FSTL4: variants seen among roughly 807,000 people sequenced by gnomAD.
FSTL4 encodes follistatin like 4, also known as follistatin-related protein 4.
FSTL4 carries 28 observed loss-of-function variants against 78.2 expected under a neutral mutation model. The observed-to-expected ratio is 0.36, with a 90% CI of 0.27 to 0.49. FSTL4 has a LOEUF of 0.49. FSTL4 is among the 20% of genes least tolerant of loss of function. The pLI, the probability that FSTL4 is intolerant of heterozygous loss-of-function variation, is 0.98. For synonymous variants in FSTL4, 422 were observed against 440.5 expected (o/e 0.96, Z 0.53); for missense variants, 922 against 1,084.9 (o/e 0.85, Z 2.11).
At chr5:133,204,151 G>A (rs558870123) in intron 14 of FSTL4, among the ~76,000 whole-genome samples, 8 of 152,214 alleles carry the variant, frequency 5.3e-5, no homozygotes, top group Non-Finnish European at 8.8e-5. Context: ...GGAGGGGTGG[G>A]AGAGAACATG....
rs1053528641 is a variant in FSTL4, at chr5:133,292,248, C to A, written c.727+20406G>T. ...CCTTGCCATGCAGCCTTCTCTGACC[C>A]GTGGCTCCCAACCCTTCCTCCTGGG... On this transcript the variant is annotated intron_variant, in intron 6 of 15. Coordinates refer to ENST00000265342, the MANE Select transcript of FSTL4 (RefSeq NM_015082.2). Among the ~76,000 whole-genome samples, 3 of 152,210 alleles carry A rather than the reference C, an allele frequency of 2.0e-5. No homozygotes were observed. In the South Asian group the frequency reaches 6.2e-4, roughly 32 times the overall value.
At chr5:133,664,228 C>T in the FSTL4 span, among the ~76,000 whole-genome samples, 1 of 152,044 alleles carries the variant, frequency 6.6e-6, no homozygotes, top group African/African-American at 2.4e-5. Flanking sequence ...CCATTCTACT[C>T]TAAGAGGATG....
the FSTL4 span, among the ~76,000 whole-genome samples, chr5:133,620,133 C>G: frequency 6.6e-6 from 1 of 152,128 alleles, no homozygotes; most frequent in Non-Finnish European, 1.5e-5. Context: ...GGACTAAAAT[C>G]CTTGACAGTG....
the FSTL4 span, among the ~76,000 whole-genome samples, chr5:133,802,252 A>G: frequency 6.6e-6 from 1 of 152,230 alleles, no homozygotes; most frequent in Non-Finnish European, 1.5e-5. Flanking sequence ...AAATCGATGC[A>G]TAATTCTGCA....
chr5:133,449,474 T>C (rs2127009292), intron 3 of FSTL4, among the ~76,000 whole-genome samples: 1 of 152,274 alleles, frequency 6.6e-6, no homozygotes, highest in South Asian at 2.1e-4. Context: ...CGCGGGCCTC[T>C]GAAAGGCAGG....
chr5:133,821,089 C>T, the FSTL4 span, among the ~76,000 whole-genome samples: 1 of 152,018 alleles, frequency 6.6e-6, no homozygotes, highest in Admixed American at 6.6e-5. Context: ...TAGGCTGTTG[C>T]CAAGCTTTGA....
the FSTL4 span, among the ~76,000 whole-genome samples, chr5:133,748,188 G>A: frequency 6.1e-4 from 90 of 147,168 alleles, no homozygotes; most frequent in Non-Finnish European, 1.1e-3. Flanking sequence ...ACGAGACTCC[G>A]TCTCAAAAAA....
intron 6 of FSTL4, among the ~76,000 whole-genome samples, chr5:133,310,055 A>G (rs1041489497): frequency 6.6e-6 from 1 of 152,196 alleles, no homozygotes; most frequent in Non-Finnish European, 1.5e-5. Flanking sequence ...CTGAACCATA[A>G]ATCTATTACC....
chr5:133,788,554 T>G, the FSTL4 span, among the ~76,000 whole-genome samples: 3 of 152,196 alleles, frequency 2.0e-5, no homozygotes, highest in Non-Finnish European at 4.4e-5. Context: ...CACACAGCAC[T>G]GCCCATGTCT....
chr5:133,256,213 G>A (rs1309264731), intron 6 of FSTL4, among the ~76,000 whole-genome samples: 11 of 152,174 alleles, frequency 7.2e-5, no homozygotes, highest in Non-Finnish European at 1.2e-4. Flanking sequence ...CAGGCCAGGC[G>A]CTTAGACACA....
chr5:133,431,277 C>T (rs1183241658), intron 3 of FSTL4, among the ~76,000 whole-genome samples: 1 of 152,214 alleles, frequency 6.6e-6, no homozygotes, highest in Non-Finnish European at 1.5e-5. Flanking sequence ...TTCTCTGATG[C>T]TCCTTCCTCT....
At chr5:133,462,740 G>A (rs1757618700) in intron 3 of FSTL4, among the ~76,000 whole-genome samples, 1 of 152,214 alleles carries the variant, frequency 6.6e-6, no homozygotes, top group Admixed American at 6.5e-5. Context: ...GGCCCACGAA[G>A]GATGATAGAG....
the FSTL4 span, among the ~76,000 whole-genome samples, chr5:133,835,813 T>C: frequency 6.6e-6 from 1 of 152,256 alleles, no homozygotes; most frequent in South Asian, 2.1e-4. Flanking sequence ...GAAAATTTCC[T>C]ACCGTGATTA....
chr5:133,578,131 C>T (rs1760325602), intron 2 of FSTL4, among the ~76,000 whole-genome samples: 1 of 152,220 alleles, frequency 6.6e-6, no homozygotes, highest in Non-Finnish European at 1.5e-5. Context: ...GATCATGTCA[C>T]ATGACTTTTT....
the FSTL4 span, among the ~76,000 whole-genome samples, chr5:133,801,758 A>G: frequency 6.6e-6 from 1 of 152,222 alleles, no homozygotes; most frequent in Non-Finnish European, 1.5e-5. Context: ...GGAGCCAGAC[A>G]GTACCCATTC....
At chr5:133,815,768 T>C in the FSTL4 span, among the ~76,000 whole-genome samples, 11 of 152,162 alleles carry the variant, frequency 7.2e-5, no homozygotes, top group Non-Finnish European at 1.5e-4. Context: ...TTTTCCCTTA[T>C]CCACAGGCGG....
chr5:133,324,666 C>T (rs939196442), intron 4 of FSTL4, among the ~76,000 whole-genome samples: 1 of 152,228 alleles, frequency 6.6e-6, no homozygotes. Flanking sequence ...AGCACCTGGC[C>T]CAGCATCCAC....
At chr5:133,682,087 T>C in the FSTL4 span, among the ~76,000 whole-genome samples, 2 of 152,170 alleles carry the variant, frequency 1.3e-5, no homozygotes, top group Non-Finnish European at 2.9e-5. Flanking sequence ...AACCCCAGTG[T>C]GGCACCCACC....
At chr5:133,602,110 C>A (rs886712047) in intron 2 of FSTL4, among the ~76,000 whole-genome samples, 13 of 151,990 alleles carry the variant, frequency 8.6e-5, no homozygotes, top group Non-Finnish European at 1.8e-4. Flanking sequence ...TATAATACTG[C>A]AAAAACAAAA....
Sources: gnomAD v4.1 joint callset for allele counts (sites outside exome capture counted in the v4.1 genomes callset) on GRCh38, gnomAD v4.1.1 for gene constraint, MANE v1.5 for transcripts, NCBI Gene and HGNC (gene_info 2026-07-23, HGNC 2026-07-21) for gene names.